FSTL5: variants seen among roughly 807,000 people sequenced by gnomAD.
FSTL5 encodes the protein follistatin like 5, also known as follistatin-related protein 5.
FSTL5 carries 62 observed loss-of-function variants against 89.1 expected under a neutral mutation model. That is an observed-to-expected ratio of 0.70 (90% CI 0.57 to 0.86). The LOEUF (loss-of-function observed/expected upper bound fraction) is 0.86. Among genes scored for constraint, FSTL5 ranks in the 40% least tolerant of loss-of-function variants. FSTL5 has a pLI of 0.00. For missense variants in FSTL5, 1,057 were observed against 1,001.6 expected, an observed-to-expected ratio of 1.06 and a Z score of -0.75; for synonymous variants, 383 against 346.2, an observed-to-expected ratio of 1.11 and a Z score of -1.18.
intron 4 of FSTL5, among the ~76,000 whole-genome samples, chr4:161,841,995 G>T (rs1278094002): frequency 2.0e-5 from 3 of 152,076 alleles, no homozygotes; most frequent in East Asian, 3.9e-4. Flanking sequence ...CTTCTGCAGG[G>T]TGTTGGCTGA....
intron 6 of FSTL5, among the ~76,000 whole-genome samples, chr4:161,728,961 C>T (rs1053138078): frequency 6.6e-6 from 1 of 152,088 alleles, no homozygotes; most frequent in Non-Finnish European, 1.5e-5. Flanking sequence ...TACCTTATCA[C>T]TAATCTGAGA....
intron 2 of FSTL5, among the ~76,000 whole-genome samples, chr4:162,087,114 G>C (rs1730352353): frequency 6.6e-6 from 1 of 152,062 alleles, no homozygotes. Flanking sequence ...CTCTTCTCTA[G>C]ATTTTCAGTG....
intron 3 of FSTL5, chr4:162,032,730 C>T (rs182870645): frequency 6.6e-6 from 1 of 152,178 alleles, no homozygotes; most frequent in East Asian, 1.9e-4. Flanking sequence ...GTGTAACTAC[C>T]CTTTCAGCAT....
chr4:161,608,241 A>T (rs1381383982), intron 7 of FSTL5, among the ~76,000 whole-genome samples: 1 of 152,144 alleles, frequency 6.6e-6, no homozygotes, highest in Non-Finnish European at 1.5e-5. Context: ...TATAACTTGT[A>T]TATCAGCACA....
intron 7 of FSTL5, among the ~76,000 whole-genome samples, chr4:161,588,911 G>A (rs551476471): frequency 1.4e-4 from 21 of 151,920 alleles, no homozygotes; most frequent in South Asian, 6.2e-4. Flanking sequence ...GCAGCTCCTC[G>A]AGAACATACA....
chr4:161,834,532 T>C (rs1579127067), intron 4 of FSTL5, among the ~76,000 whole-genome samples: 1 of 152,216 alleles, frequency 6.6e-6, no homozygotes, highest in African/African-American at 2.4e-5. Context: ...GCAGATGACA[T>C]GATTGTATAT....
chr4:161,900,610 G>A (rs1322481417), intron 4 of FSTL5, among the ~76,000 whole-genome samples: 1 of 121,408 alleles, frequency 8.2e-6, no homozygotes, highest in African/African-American at 3.2e-5. Flanking sequence ...CTGCACTCCA[G>A]CCTGGGTGAC....
intron 3 of FSTL5, among the ~76,000 whole-genome samples, chr4:161,963,931 T>C (rs2110988221): frequency 6.6e-6 from 1 of 152,050 alleles, no homozygotes; most frequent in Non-Finnish European, 1.5e-5. Context: ...AGTACTTACA[T>C]TTAGGAATAT....
intron 2 of FSTL5, among the ~76,000 whole-genome samples, chr4:162,045,678 G>C (rs905220325): frequency 1.3e-5 from 2 of 151,874 alleles, no homozygotes; most frequent in African/African-American, 4.8e-5. Context: ...CTTAACACCG[G>C]GCTACCACGA....
In FSTL5 at chr4:161,516,651, A is replaced by G; in HGVS notation, c.1313-6227T>C. On this transcript the variant is annotated intron_variant, in intron 10 of 15. Transcript: ENST00000306100. ...TATAATAAATTATATATTTTATATA[A>G]TAAATTATATATACACACACTAAGT... 6.8e-5 allele frequency among the ~76,000 whole-genome samples: 4 copies of G among 58,680 alleles called. 1 individual carries two copies. In the Admixed American group the frequency reaches 7.5e-4, roughly 11 times the overall value. The allele number at this position is 58,680 out of a possible 152,430, so 38.5% of individuals were successfully genotyped here.
chr4:161,774,138 T>C (rs1263290804), intron 5 of FSTL5, among the ~76,000 whole-genome samples: 1 of 152,130 alleles, frequency 6.6e-6, no homozygotes, highest in African/African-American at 2.4e-5. Flanking sequence ...GGCGGGTGCC[T>C]GTAGTCCCAG....
intron 6 of FSTL5, among the ~76,000 whole-genome samples, chr4:161,660,991 T>A (rs1288592384): frequency 6.6e-6 from 1 of 152,122 alleles, no homozygotes; most frequent in Non-Finnish European, 1.5e-5. Flanking sequence ...TGTAATAGGA[T>A]AATTAATATT....
At chr4:162,136,290 A>G (rs1732518314) in intron 1 of FSTL5, among the ~76,000 whole-genome samples, 1 of 152,126 alleles carries the variant, frequency 6.6e-6, no homozygotes, top group Admixed American at 6.6e-5. Context: ...CGAAGTGGGC[A>G]AGACTGTAAG....
chr4:161,507,003 C>A (rs570296674), intron 11 of FSTL5, among the ~76,000 whole-genome samples: 5 of 152,158 alleles, frequency 3.3e-5, no homozygotes, highest in South Asian at 2.1e-4. Context: ...ATTCACATAT[C>A]ATATGAAGCT....
At chr4:161,444,076 C>T (rs1392456310) in intron 15 of FSTL5, among the ~76,000 whole-genome samples, 2 of 151,734 alleles carry the variant, frequency 1.3e-5, no homozygotes, top group Non-Finnish European at 2.9e-5. Flanking sequence ...TTATATCATT[C>T]TAGATATAAC....
chr4:161,875,985 T>A, intron 4 of FSTL5, among the ~76,000 whole-genome samples: 1 of 152,204 alleles, frequency 6.6e-6, no homozygotes, highest in Non-Finnish European at 1.5e-5. Flanking sequence ...AGTCATTCTT[T>A]CTAAACCTTA....
rs116508077 is a variant in FSTL5 at position 161,385,510 on chromosome 4, T to A, written c.*237A>T. ...TTAAAGCATAATTTACATATTTGATTCTTGTGACTGATGTGATTTCTCATT... is the reference window on the plus strand; with the variant it reads ...TTAAAGCATAATTTACATATTTGATACTTGTGACTGATGTGATTTCTCATT... On this transcript the variant is annotated 3_prime_UTR_variant, in exon 16 of 16. Coordinates refer to ENST00000306100, the MANE Select transcript of FSTL5 (RefSeq NM_020116.5). 1 of 425,536 alleles carries A rather than the reference T, an allele frequency of 2.3e-6. No individual in the cohort carries two copies. The highest frequency in any genetic ancestry group is 2.0e-5 in the African/African-American group (1 of 49,470). The allele number at this position is 425,536 out of a possible 1,614,324, so 26.4% of individuals were successfully genotyped here. A position where few individuals can be genotyped will look rare whatever the true frequency, so the allele number is the denominator to read the frequency against.
intron 2 of FSTL5, among the ~76,000 whole-genome samples, chr4:162,047,729 G>T (rs1738239883): frequency 6.6e-6 from 1 of 151,950 alleles, no homozygotes; most frequent in Non-Finnish European, 1.5e-5. Context: ...GGAGGCTGAG[G>T]CAGGAGAATT....
intron 2 of FSTL5, among the ~76,000 whole-genome samples, chr4:162,099,516 T>C (rs1241329323): frequency 6.6e-6 from 1 of 152,176 alleles, no homozygotes; most frequent in Non-Finnish European, 1.5e-5. Flanking sequence ...GGTATGGTAA[T>C]GACCTTTTTA....
Sources: gnomAD v4.1 joint callset for allele counts (sites outside exome capture counted in the v4.1 genomes callset) on GRCh38, gnomAD v4.1.1 for gene constraint, MANE v1.5 for transcripts, NCBI Gene and HGNC (gene_info 2026-07-23, HGNC 2026-07-21) for gene names.